Variants in KCNQ1OT1 observed in about 807,000 individuals in gnomAD.
KCNQ1OT1 encodes the protein KCNQ1 antisense RNA 2 (non-protein coding).
chr11:2,640,597 A>T (rs1849558382), exon 1 of KCNQ1OT1: 1 of 393,822 alleles, frequency 2.5e-6, no homozygotes, highest in Non-Finnish European at 4.4e-6. Flanking sequence ...CATAATACTT[A>T]TGGGGTACAT....
chr11:2,630,551 A>G (rs183780841), exon 1 of KCNQ1OT1: 6 of 398,330 alleles, frequency 1.5e-5, no homozygotes, highest in African/African-American at 1.2e-4. Context: ...TTGAGAAATT[A>G]TGAAAACAAT....
chr11:2,632,144 C>G, exon 1 of KCNQ1OT1: 1 of 380,454 alleles, frequency 2.6e-6, no homozygotes, highest in Non-Finnish European at 4.5e-6. Context: ...GATCGCGCCA[C>G]TACACTCTAG....
At chr11:2,681,817 G>A (rs1850403312) in exon 1 of KCNQ1OT1, 3 of 398,378 alleles carry the variant, frequency 7.5e-6, no homozygotes, top group Non-Finnish European at 4.4e-6. Context: ...TCAGGTTATG[G>A]TCATATCATC....
Position 2,658,961 on chromosome 11 carries a change from TAACCATAGA to T in KCNQ1OT1, n.41025_41033del. 7.5e-6 allele frequency: 3 copies of T among 398,598 alleles called. No individual in the cohort carries two copies. The highest frequency in any genetic ancestry group is 1.3e-5 in the Non-Finnish European group (3 of 226,040). The allele number at this position is 398,598 out of a possible 1,614,324, so 24.7% of individuals were successfully genotyped here. Reference sequence around the variant, plus strand: ...GAGTGTTTAGGACAGACTTTTGCTTTAACCATAGAGTGTCCAGTCAAAACAGTGTTTTTG... The same window carrying T: ...GAGTGTTTAGGACAGACTTTTGCTTTGTGTCCAGTCAAAACAGTGTTTTTG... On this transcript the variant is annotated non_coding_transcript_exon_variant, in exon 1 of 1. Coordinates refer to ENST00000597346, the Ensembl canonical transcript of KCNQ1OT1. The surrounding 1 kb of genome is among the most constrained non-coding windows in gnomAD (Gnocchi z 4.9).
exon 1 of KCNQ1OT1, chr11:2,655,278 T>A (rs966310775): frequency 2.5e-6 from 1 of 398,614 alleles, no homozygotes; most frequent in Non-Finnish European, 4.4e-6. Context: ...AACAAAATTG[T>A]TTTGTTCTGC....
rs1268841458 is a variant in KCNQ1OT1 at position 2,613,196 on chromosome 11, C to T, written n.86799G>A. ...AGTTCAGGCACTTTATAACTCTGTCCTGTATTTTACTGTCTGCTTGCAAAA... is the reference window on the plus strand; with the variant it reads ...AGTTCAGGCACTTTATAACTCTGTCTTGTATTTTACTGTCTGCTTGCAAAA... On this transcript the variant is annotated non_coding_transcript_exon_variant, in exon 1 of 1. Coordinates refer to ENST00000597346, the Ensembl canonical transcript of KCNQ1OT1. This position sits in a 1 kb window ranked among gnomAD's most constrained non-coding sequence, Gnocchi z 4.8. 2 of 398,490 alleles carry T rather than the reference C, an allele frequency of 5.0e-6. No homozygotes were observed. The highest frequency in any genetic ancestry group is 8.8e-6 in the Non-Finnish European group (2 of 226,046). The allele number at this position is 398,490 out of a possible 1,614,324, so 24.7% of individuals were successfully genotyped here.
Position 2,661,863 on chromosome 11 carries a change from C to T in KCNQ1OT1, n.38132G>A, listed in dbSNP as rs1849962106. ...GGCTGGAGCTTCCAGGCACAAGCTC[C>T]ACTCCTCACCTGGCCCTGGGAGCTC... On this transcript the variant is annotated non_coding_transcript_exon_variant, in exon 1 of 1. Coordinates refer to ENST00000597346, the Ensembl canonical transcript of KCNQ1OT1. This position sits in a 1 kb window ranked among gnomAD's most constrained non-coding sequence, Gnocchi z 5.9. 1.3e-6 allele frequency: 2 copies of T among 1,490,218 alleles called. No homozygotes were observed. Among genetic ancestry groups the T allele is most frequent in the East Asian group, 2.3e-5 (1 of 44,326 alleles). 92.3% of individuals were successfully genotyped at this position (1,490,218 alleles called of 1,614,324 possible).
exon 1 of KCNQ1OT1, chr11:2,696,011 T>C: frequency 2.5e-6 from 1 of 398,602 alleles, no homozygotes; most frequent in Non-Finnish European, 4.4e-6. Context: ...CATTCATGAG[T>C]GTAAAAGTGA....
At chr11:2,648,069 T>A (rs1242715392) in exon 1 of KCNQ1OT1, 8 of 376,596 alleles carry the variant, frequency 2.1e-5, no homozygotes, top group South Asian at 1.5e-4. Flanking sequence ...AAAAAAAAAA[T>A]TAGCGAGGTG....
At chr11:2,628,705 T>C (rs1276291864) in exon 1 of KCNQ1OT1, 10 of 398,426 alleles carry the variant, frequency 2.5e-5, no homozygotes, top group Non-Finnish European at 4.4e-5. Context: ...TAAAAAATTG[T>C]CACAAAAACC....
exon 1 of KCNQ1OT1, chr11:2,650,605 GTACTTACTCCTC>G (rs1849742207): frequency 2.5e-6 from 1 of 398,432 alleles, no homozygotes; most frequent in Non-Finnish European, 4.4e-6. Context: ...CTCCTTAGAG[GTACTTACTCCTC>G]TATTTTTGCT....
exon 1 of KCNQ1OT1, chr11:2,680,395 C>A (rs1725658515): frequency 1.0e-5 from 4 of 398,180 alleles, no homozygotes; most frequent in Non-Finnish European, 1.3e-5. Flanking sequence ...CAACATCCTT[C>A]CATATTTTTT....
rs370491066 is a variant in KCNQ1OT1 at position 2,678,468 on chromosome 11, A to G, written n.21527T>C. 47 of 398,582 alleles carry G rather than the reference A, an allele frequency of 1.2e-4. No homozygotes were observed. The East Asian group carries it at 1.5e-3, about 13-fold the overall frequency. 24.7% of individuals were successfully genotyped at this position (398,582 alleles called of 1,614,324 possible). A position where few individuals can be genotyped will look rare whatever the true frequency, so the allele number is the denominator to read the frequency against. On this transcript the variant is annotated non_coding_transcript_exon_variant, in exon 1 of 1. Coordinates refer to ENST00000597346, the Ensembl canonical transcript of KCNQ1OT1. The surrounding 1 kb of genome is among the most constrained non-coding windows in gnomAD (Gnocchi z 4.9). ...ACTAATTTCAACTGCTACCTTTATCATATTTCAAACTCTCATTTAATTTGT... is the reference window on the plus strand; with the variant it reads ...ACTAATTTCAACTGCTACCTTTATCGTATTTCAAACTCTCATTTAATTTGT...
At chr11:2,684,401 G>C in exon 1 of KCNQ1OT1, 1 of 398,640 alleles carries the variant, frequency 2.5e-6, no homozygotes, top group Non-Finnish European at 4.4e-6. Context: ...CCATCCCCCT[G>C]ATTCCTCAGT....
rs1590006335 is a variant in KCNQ1OT1 at position 2,651,367 on chromosome 11, C to G, written n.48628G>C. 1 of 398,756 alleles carries G rather than the reference C, an allele frequency of 2.5e-6. No individual in the cohort carries two copies. Among genetic ancestry groups the G allele is most frequent in the Non-Finnish European group, 4.4e-6 (1 of 226,150 alleles). 24.7% of individuals were successfully genotyped at this position (398,756 alleles called of 1,614,324 possible). A position where few individuals can be genotyped will look rare whatever the true frequency, so the allele number is the denominator to read the frequency against. On this transcript the variant is annotated non_coding_transcript_exon_variant, in exon 1 of 1. Coordinates refer to ENST00000597346, the Ensembl canonical transcript of KCNQ1OT1. The surrounding 1 kb of genome is among the most constrained non-coding windows in gnomAD (Gnocchi z 6.1). ...AGAGAGCTGGGGTATTTATCTTTCA[C>G]TAGTGAGTGCTGCCCCGGTGGTGGC...
rs890300100 is a variant in KCNQ1OT1 at position 2,674,368 on chromosome 11, C to G, written n.25627G>C. 2.6e-6 allele frequency: 1 copy of G among 378,394 alleles called. No homozygotes were observed. Among genetic ancestry groups the G allele is most frequent in the Non-Finnish European group, 4.7e-6 (1 of 214,288 alleles). 23.4% of individuals were successfully genotyped at this position (378,394 alleles called of 1,614,324 possible). A position where few individuals can be genotyped will look rare whatever the true frequency, so the allele number is the denominator to read the frequency against. On this transcript the variant is annotated non_coding_transcript_exon_variant, in exon 1 of 1. Transcript: ENST00000597346. This position sits in a 1 kb window ranked among gnomAD's most constrained non-coding sequence, Gnocchi z 5.9. ...TCCATTCGCTCTTGGCAAAGAGCAG[C>G]TTCCTGCTTAGGGAAGGTGCATGCG...
chr11:2,611,627 G>A lies in KCNQ1OT1; in HGVS notation n.88368C>T, dbSNP rs907107750. 17 of 398,274 alleles carry A rather than the reference G, an allele frequency of 4.3e-5. No homozygotes were observed. The highest frequency in any genetic ancestry group is 1.3e-5 in the Non-Finnish European group (3 of 226,042). The allele number at this position is 398,274 out of a possible 1,614,324, so 24.7% of individuals were successfully genotyped here. A position where few individuals can be genotyped will look rare whatever the true frequency, so the allele number is the denominator to read the frequency against. ...TTGAATCTAGAATGTGACTCTTATA[G>A]ACCATATATATTTGGATCCTGCTTT... On this transcript the variant is annotated non_coding_transcript_exon_variant, in exon 1 of 1. Coordinates refer to ENST00000597346, the Ensembl canonical transcript of KCNQ1OT1. This position sits in a 1 kb window ranked among gnomAD's most constrained non-coding sequence, Gnocchi z 5.3.
At chr11:2,656,176 TC>T (rs1169685811) in exon 1 of KCNQ1OT1, 1 of 398,524 alleles carries the variant, frequency 2.5e-6, no homozygotes, top group Non-Finnish European at 4.4e-6. Context: ...ATATGTTTTT[TC>T]TTTCTTCCTT....
chr11:2,610,716 CTTTTTTT>C (rs1167505141), exon 1 of KCNQ1OT1: 363 of 229,738 alleles, frequency 1.6e-3, no homozygotes, highest in East Asian at 3.8e-3. Flanking sequence ...TCTTGGTTGG[CTTTTTTT>C]TTTTTTTTTT....
Sources: allele counts gnomAD v4.1 joint callset, GRCh38; gene constraint gnomAD v4.1.1; non-coding constraint Gnocchi (gnomAD v3.1); transcripts MANE v1.5; gene names NCBI Gene and HGNC (gene_info 2026-07-23, HGNC 2026-07-21).